PTGER3: variants seen among roughly 807,000 people sequenced by gnomAD.
PTGER3 encodes prostaglandin E receptor 3, also known as prostaglandin E2 receptor EP3 subtype.
In PTGER3, 22 loss-of-function variants were observed where a neutral mutation model predicts 34.7. That is an observed-to-expected ratio of 0.63 (90% CI 0.45 to 0.91). The LOEUF is 0.91. Ranked by LOEUF, PTGER3 falls within the 40% of genes least tolerant of loss-of-function variation. The pLI, the probability that PTGER3 is intolerant of heterozygous loss-of-function variation, is 0.00. For synonymous variants in PTGER3, 241 were observed against 230.1 expected (o/e 1.05, Z -0.43); for missense variants, 468 against 519.4 (o/e 0.90, Z 0.96).
intron 1 of PTGER3, among the ~76,000 whole-genome samples, chr1:71,044,750 A>C (rs531385128): frequency 1.3e-5 from 2 of 152,278 alleles, no homozygotes; most frequent in East Asian, 3.9e-4. Context: ...TGACTTAAAA[A>C]CAAAATGCAC....
At chr1:71,015,117 C>A (rs1018296427) in intron 1 of PTGER3, among the ~76,000 whole-genome samples, 4 of 152,150 alleles carry the variant, frequency 2.6e-5, no homozygotes, top group African/African-American at 9.7e-5. Context: ...TAATCCTCAT[C>A]ATTTCTACTT....
chr1:70,981,679 G>T (rs530969360), intron 2 of PTGER3, among the ~76,000 whole-genome samples: 1 of 152,082 alleles, frequency 6.6e-6, no homozygotes, highest in South Asian at 2.1e-4. Flanking sequence ...AAAGTGTTGG[G>T]ATTACAGGCA....
At chr1:70,949,764 C>A (rs1650570269), downstream of PTGER3, among the ~76,000 whole-genome samples, 1 of 152,126 alleles carries the variant, frequency 6.6e-6, no homozygotes, top group Non-Finnish European at 1.5e-5. Flanking sequence ...ACTTTCTATC[C>A]TGTCCAATAT....
chr1:70,905,766 A>T (rs1235036661), intron 4 of PTGER3, among the ~76,000 whole-genome samples: 1 of 152,076 alleles, frequency 6.6e-6, no homozygotes, highest in Non-Finnish European at 1.5e-5. Flanking sequence ...TGGACTGTGG[A>T]CTTTTCAGTT....
intron 4 of PTGER3, among the ~76,000 whole-genome samples, chr1:70,918,909 T>C (rs532586837): frequency 5.3e-5 from 8 of 152,020 alleles, no homozygotes; most frequent in Non-Finnish European, 1.2e-4. Context: ...ATTAGGACAA[T>C]TTGCTATTAC....
At chr1:71,010,075 C>A in intron 2 of PTGER3, 3 of 985,202 alleles carry the variant, frequency 3.0e-6, no homozygotes, top group Non-Finnish European at 3.6e-6. Flanking sequence ...TTCATCCCCT[C>A]CTAAAATATA....
At chr1:70,934,598 C>T (rs1649027281) in intron 4 of PTGER3, among the ~76,000 whole-genome samples, 1 of 152,110 alleles carries the variant, frequency 6.6e-6, no homozygotes, top group Non-Finnish European at 1.5e-5. Flanking sequence ...TTTAAAAATA[C>T]TAAACTATAA....
intron 4 of PTGER3, among the ~76,000 whole-genome samples, chr1:70,924,502 G>C (rs1647860648): frequency 6.6e-6 from 1 of 152,080 alleles, no homozygotes; most frequent in Admixed American, 6.6e-5. Context: ...AAGAGGGATG[G>C]GTAATGTAAA....
At chr1:70,857,213 G>T (rs940674692) in intron 4 of PTGER3, among the ~76,000 whole-genome samples, 2 of 152,170 alleles carry the variant, frequency 1.3e-5, no homozygotes, top group African/African-American at 4.8e-5. Context: ...TTGTTTTAAT[G>T]TATGTGGCTT....
chr1:71,027,984 AG>A (rs1659084032), intron 1 of PTGER3, among the ~76,000 whole-genome samples: 1 of 152,162 alleles, frequency 6.6e-6, no homozygotes, highest in Non-Finnish European at 1.5e-5. Flanking sequence ...ATGAAAGTTT[AG>A]TGCTTTATTC....
intron 4 of PTGER3, among the ~76,000 whole-genome samples, chr1:70,911,990 C>A (rs925913324): frequency 6.6e-6 from 1 of 152,054 alleles, no homozygotes; most frequent in Non-Finnish European, 1.5e-5. Flanking sequence ...AAAAATCACT[C>A]CCCAGAAAAT....
downstream of PTGER3, among the ~76,000 whole-genome samples, chr1:70,969,456 G>A (rs1652864478): frequency 6.6e-6 from 1 of 151,960 alleles, no homozygotes; most frequent in South Asian, 2.1e-4. Context: ...GAGACCTGTG[G>A]AAAAAAATTA....
intron 1 of PTGER3, among the ~76,000 whole-genome samples, chr1:71,019,367 T>C (rs1182805815): frequency 1.3e-5 from 2 of 152,172 alleles, no homozygotes; most frequent in African/African-American, 4.8e-5. Context: ...AGACCAATTC[T>C]AGCTGAACGG....
At chr1:70,903,696 C>G (rs757140250) in intron 4 of PTGER3, among the ~76,000 whole-genome samples, 15 of 152,128 alleles carry the variant, frequency 9.9e-5, no homozygotes, top group Non-Finnish European at 1.5e-4. Context: ...TTTGCAGGCC[C>G]AGACTGGGGA....
At chr1:70,866,678 A>G (rs1303937043) in intron 4 of PTGER3, among the ~76,000 whole-genome samples, 2 of 152,148 alleles carry the variant, frequency 1.3e-5, no homozygotes, top group African/African-American at 4.8e-5. Context: ...GAGGAATTAG[A>G]TGGTGCCTTG....
At chr1:70,912,952 T>A (rs1647092517) in intron 4 of PTGER3, among the ~76,000 whole-genome samples, 1 of 152,022 alleles carries the variant, frequency 6.6e-6, no homozygotes, top group South Asian at 2.1e-4. Flanking sequence ...CAATTTGGCC[T>A]CTTTTTCGAA....
intron 4 of PTGER3, among the ~76,000 whole-genome samples, chr1:70,911,763 G>A (rs935864828): frequency 2.0e-5 from 3 of 152,084 alleles, no homozygotes; most frequent in African/African-American, 7.2e-5. Context: ...GTGTTACAAC[G>A]TAACTCGAAA....
At chr1:70,947,835 T>C (rs2100570152), downstream of PTGER3, among the ~76,000 whole-genome samples, 1 of 152,336 alleles carries the variant, frequency 6.6e-6, no homozygotes. Context: ...CTTGTTTATC[T>C]ACGTGTACAT....
intron 4 of PTGER3, among the ~76,000 whole-genome samples, chr1:70,935,838 G>A (rs1020314318): frequency 1.3e-5 from 2 of 151,950 alleles, no homozygotes; most frequent in Non-Finnish European, 2.9e-5. Flanking sequence ...TGGTAAAAGA[G>A]AGGACAGTAG....
Sources: gnomAD v4.1 joint callset for allele counts (sites outside exome capture counted in the v4.1 genomes callset) on GRCh38, gnomAD v4.1.1 for gene constraint, MANE v1.5 for transcripts, NCBI Gene and HGNC (gene_info 2026-07-23, HGNC 2026-07-21) for gene names.